Variants in CDH2 observed in about 807,000 individuals in gnomAD.
The protein encoded by CDH2 is cadherin 2, also known as cadherin-2.
CDH2 carries 17 observed loss-of-function variants against 92.0 expected under a neutral mutation model. The observed-to-expected ratio is 0.18, with a 90% CI of 0.13 to 0.28. The LOEUF (loss-of-function observed/expected upper bound fraction) is 0.28. CDH2 is among the 10% of genes least tolerant of loss of function. The pLI, the probability that CDH2 is intolerant of heterozygous loss-of-function variation, is 1.00. For missense variants in CDH2, 862 were observed against 1,133.1 expected (o/e 0.76, Z 3.44); for synonymous variants, 419 against 415.9 (o/e 1.01, Z -0.09).
chr18:28,157,447 C>A (rs993112557), intron 1 of CDH2, among the ~76,000 whole-genome samples: 7 of 152,204 alleles, frequency 4.6e-5, no homozygotes, highest in Non-Finnish European at 8.8e-5. Context: ...GAGGTAGATG[C>A]TGTTAGTACC....
At chr18:28,014,003 A>C (rs2013174192) in intron 2 of CDH2, 94 bp from the exon 3 acceptor site, 2 of 794,370 alleles carry the variant, frequency 2.5e-6, no homozygotes, top group Admixed American at 5.5e-5. Flanking sequence ...GCTTAGGTTA[A>C]AGGATAAAAA....
intron 6 of CDH2, among the ~76,000 whole-genome samples, chr18:27,936,133 A>C (rs528240864): frequency 1.2e-4 from 19 of 152,362 alleles, no homozygotes; most frequent in African/African-American, 4.6e-4. Flanking sequence ...TTAGACTTAC[A>C]CTAATGAACA....
At chr18:28,080,020 G>A (rs142658359) in intron 2 of CDH2, among the ~76,000 whole-genome samples, 1 of 152,286 alleles carries the variant, frequency 6.6e-6, no homozygotes, top group African/African-American at 2.4e-5. Context: ...ATGATCCAGA[G>A]ACCCTGAGGA....
intron 14 of CDH2, among the ~76,000 whole-genome samples, chr18:27,966,450 G>A (rs2011536498): frequency 6.6e-6 from 1 of 152,202 alleles, no homozygotes; most frequent in African/African-American, 2.4e-5. Flanking sequence ...TATCTGGGAA[G>A]AGCCATTCTA....
chr18:28,170,781 T>A (rs900730256), intron 1 of CDH2, among the ~76,000 whole-genome samples: 1 of 152,244 alleles, frequency 6.6e-6, no homozygotes, highest in African/African-American at 2.4e-5. Flanking sequence ...CATTATGCCA[T>A]AATTTCTTAA....
chr18:28,067,534 T>C (rs571321355), intron 2 of CDH2, among the ~76,000 whole-genome samples: 5 of 152,336 alleles, frequency 3.3e-5, no homozygotes, highest in African/African-American at 1.2e-4. Context: ...GTTTTCAAGT[T>C]TCATCCATGT....
At chr18:28,059,279 A>G (rs921609299) in intron 2 of CDH2, among the ~76,000 whole-genome samples, 3 of 152,248 alleles carry the variant, frequency 2.0e-5, no homozygotes, top group Admixed American at 6.5e-5. Flanking sequence ...AATTGAGAGT[A>G]GCACTGATGA....
intron 2 of CDH2, among the ~76,000 whole-genome samples, chr18:28,031,896 T>C (rs1016767133): frequency 6.6e-6 from 1 of 152,078 alleles, no homozygotes; most frequent in African/African-American, 2.4e-5. Flanking sequence ...TCAAATCAGA[T>C]AATGAATAAA....
rs1188492722 is a variant in CDH2 at position 27,954,619 on chromosome 18, AC to A, written c.2515-2261del. On this transcript the variant is annotated intron_variant, in intron 15 of 15. Transcript: ENST00000269141. Reference sequence around the variant, plus strand: ...GTCACTGACAGACTACAGCTGACTTACAACTTAAGTAAGAAGTAAACCTTCA... The same window carrying A: ...GTCACTGACAGACTACAGCTGACTTAAACTTAAGTAAGAAGTAAACCTTCA... 4 of 152,332 alleles carry A rather than the reference AC, an allele frequency of 2.6e-5. No homozygotes were observed. The East Asian group carries it at 7.7e-4, about 29-fold the overall frequency. 9.4% of individuals were successfully genotyped at this position (152,332 alleles called of 1,614,324 possible).
At chr18:28,122,423 T>C (rs1225563497) in intron 2 of CDH2, among the ~76,000 whole-genome samples, 1 of 152,184 alleles carries the variant, frequency 6.6e-6, no homozygotes, top group Non-Finnish European at 1.5e-5. Context: ...CTACTCATTA[T>C]TACATACTGG....
intron 2 of CDH2, among the ~76,000 whole-genome samples, chr18:28,101,282 C>T (rs1368460753): frequency 1.3e-5 from 2 of 151,974 alleles, no homozygotes; most frequent in Non-Finnish European, 2.9e-5. Context: ...TATTTCAGAC[C>T]TTCCCATGCC....
Position 28,005,836 on chromosome 18 carries a change from T to TAATTTGAAGC in CDH2, c.847+12_847+13insGCTTCAAATT. 6.2e-7 allele frequency: 1 copy of TAATTTGAAGC among 1,602,064 alleles called. No homozygotes were observed. Among genetic ancestry groups the TAATTTGAAGC allele is most frequent in the African/African-American group, 1.3e-5 (1 of 74,862 alleles). On this transcript the variant is annotated intron_variant, in intron 6 of 15. Coordinates refer to ENST00000269141, the MANE Select transcript of CDH2 (RefSeq NM_001792.5). The stretch of plus-strand genomic sequence containing the variant: ...TCCTCAAGTCATCTTCAAATTATTA[T>TAATTTGAAGC]CTTTAAACTTACCAGGCTTTGATCC...
intron 2 of CDH2, among the ~76,000 whole-genome samples, chr18:28,014,911 GAAGAAA>G (rs1009251932): frequency 6.6e-6 from 1 of 152,058 alleles, no homozygotes; most frequent in African/African-American, 2.4e-5. Flanking sequence ...TGTTCTTTCT[GAAGAAA>G]AATTCTATGG....
chr18:28,081,284 T>C (rs1265189816), intron 2 of CDH2, among the ~76,000 whole-genome samples: 6 of 152,202 alleles, frequency 3.9e-5, no homozygotes, highest in Non-Finnish European at 7.3e-5. Flanking sequence ...TCTCCCTAGC[T>C]GTACTTCATA....
chr18:28,125,451 A>C (rs1182200768), intron 2 of CDH2, among the ~76,000 whole-genome samples: 1 of 152,166 alleles, frequency 6.6e-6, no homozygotes, highest in Non-Finnish European at 1.5e-5. Flanking sequence ...CTTTCTTTTA[A>C]AAAAGGAAGC....
intron 6 of CDH2, among the ~76,000 whole-genome samples, chr18:27,935,840 TCTTATGCAA>T (rs1162207283): frequency 6.6e-6 from 1 of 152,252 alleles, no homozygotes; most frequent in Non-Finnish European, 1.5e-5. Context: ...CATTATAGTT[TCTTATGCAA>T]CTAAATTTGT....
chr18:27,940,560 A>T (rs533450339), intron 6 of CDH2, among the ~76,000 whole-genome samples: 5 of 152,198 alleles, frequency 3.3e-5, no homozygotes, highest in African/African-American at 1.2e-4. Flanking sequence ...TTTTATGCTC[A>T]TTTGAGGAGC....
chr18:28,152,151 C>A (rs541412034), intron 1 of CDH2, among the ~76,000 whole-genome samples: 39 of 152,264 alleles, frequency 2.6e-4, no homozygotes, highest in African/African-American at 9.1e-4. Flanking sequence ...TTCATTCTCA[C>A]AATAGGCCCC....
chr18:28,024,366 A>T lies in CDH2; in HGVS notation c.173-10457T>A, dbSNP rs1242203229. 3.3e-5 allele frequency among the ~76,000 whole-genome samples: 5 copies of T among 151,836 alleles called. No homozygotes were observed. In the East Asian group the frequency reaches 9.7e-4, roughly 29 times the overall value. On this transcript the variant is annotated intron_variant, in intron 2 of 15. Transcript: ENST00000269141. ...TGTTGGGAAAATAAACATATGTAGA[A>T]ATGAAATCTTAAGACAAAACAGATT...
Sources: allele counts gnomAD v4.1 joint callset (sites outside exome capture counted in the v4.1 genomes callset), GRCh38; gene constraint gnomAD v4.1.1; transcripts MANE v1.5; gene names NCBI Gene and HGNC (gene_info 2026-07-23, HGNC 2026-07-21).